The following CCDC146 variants were observed in gnomAD, a reference collection of about 807,000 sequenced individuals.
CCDC146 encodes coiled-coil domain-containing protein 146.
Under a neutral mutation model 119.3 loss-of-function variants are expected in CCDC146, and 92 were observed. The ratio of observed to expected loss-of-function variants is 0.77; its 90% CI spans 0.65 to 0.92. The LOEUF (loss-of-function observed/expected upper bound fraction) is 0.92. Ranked by LOEUF, CCDC146 falls within the 40% of genes least tolerant of loss-of-function variation. CCDC146 has a pLI of 0.00. For synonymous variants in CCDC146, 372 were observed against 371.8 expected (o/e 1.00, Z -0.01); for missense variants, 1,000 against 1,103.0 (o/e 0.91, Z 1.32).
At chr7:77,173,476 A>G (rs1791456085) in intron 2 of CCDC146, among the ~76,000 whole-genome samples, 1 of 151,904 alleles carries the variant, frequency 6.6e-6, no homozygotes, top group Non-Finnish European at 1.5e-5. Context: ...TAAAAATACA[A>G]AAATTAGCCA....
At chr7:77,275,089 T>C (rs1342477428) in intron 11 of CCDC146, among the ~76,000 whole-genome samples, 1 of 115,412 alleles carries the variant, frequency 8.7e-6, no homozygotes, top group African/African-American at 3.4e-5. Context: ...AGAAAAGCTA[T>C]ACAATTGACC....
intron 2 of CCDC146, among the ~76,000 whole-genome samples, chr7:77,188,634 T>C (rs1222955253): frequency 4.6e-5 from 7 of 152,154 alleles, no homozygotes; most frequent in African/African-American, 1.7e-4. Flanking sequence ...GATGCAGTAT[T>C]TGAGGCTTCA....
intron 18 of CCDC146, among the ~76,000 whole-genome samples, 200 bp from the exon 19 acceptor site, chr7:77,294,463 G>GGTAGGTGT (rs1554364032): frequency 7.4e-6 from 1 of 134,232 alleles, no homozygotes; most frequent in African/African-American, 2.8e-5. Context: ...ATGAGAGGTA[G>GGTAGGTGT]GTGTGTGTGT....
At chr7:77,130,649 A>AGTG (rs1412247213) in intron 1 of CCDC146, among the ~76,000 whole-genome samples, 2 of 132,682 alleles carry the variant, frequency 1.5e-5, no homozygotes, top group Non-Finnish European at 3.1e-5. Context: ...CCCAGGCTGG[A>AGTG]GTGCAGTGGC....
At chr7:77,127,541 G>A (rs1403546693) in intron 1 of CCDC146, among the ~76,000 whole-genome samples, 1 of 152,080 alleles carries the variant, frequency 6.6e-6, no homozygotes, top group Non-Finnish European at 1.5e-5. Context: ...TTTTCATGAA[G>A]GATATTGGTC....
chr7:77,237,718 C>T (rs1166578266), intron 3 of CCDC146, among the ~76,000 whole-genome samples: 2 of 152,182 alleles, frequency 1.3e-5, no homozygotes, highest in African/African-American at 4.8e-5. Context: ...TCCCAATCAC[C>T]AACAGGTCAG....
At chr7:77,178,727 G>A (rs1355694522) in intron 2 of CCDC146, among the ~76,000 whole-genome samples, 1 of 152,066 alleles carries the variant, frequency 6.6e-6, no homozygotes, top group African/African-American at 2.4e-5. Flanking sequence ...CTAAATAGTC[G>A]CTGAACGGAT....
At chr7:77,251,065 AGGCT>A (rs1362857390) in intron 4 of CCDC146, among the ~76,000 whole-genome samples, 1 of 150,238 alleles carries the variant, frequency 6.7e-6, no homozygotes, top group Non-Finnish European at 1.5e-5. Flanking sequence ...CACTCTGTCC[AGGCT>A]GGAGTACAGT....
At chr7:77,222,006 A>G (rs7810066) in intron 2 of CCDC146, among the ~76,000 whole-genome samples, 115,470 of 152,186 alleles carry the variant, frequency 0.76, 43,900 homozygotes, top group South Asian at 0.84. Flanking sequence ...CCAAAAAATG[A>G]AATTGAGGGG....
At chr7:77,208,234 G>T (rs1263829304) in intron 2 of CCDC146, among the ~76,000 whole-genome samples, 1 of 152,172 alleles carries the variant, frequency 6.6e-6, no homozygotes, top group African/African-American at 2.4e-5. Context: ...GACCACAAAG[G>T]TGGCACAGTA....
intron 4 of CCDC146, among the ~76,000 whole-genome samples, chr7:77,249,160 C>T (rs1428772607): frequency 3.3e-5 from 5 of 152,146 alleles, no homozygotes; most frequent in Admixed American, 3.3e-4. Context: ...AGTTTTGCCT[C>T]ATGTATTTTG....
chr7:77,272,315 G>A (rs1331374773), intron 9 of CCDC146, among the ~76,000 whole-genome samples: 1 of 152,170 alleles, frequency 6.6e-6, no homozygotes, highest in Non-Finnish European at 1.5e-5. Context: ...TCCAGGGTAG[G>A]AGACCCAATG....
At chr7:77,174,190 C>A (rs1584042140) in intron 2 of CCDC146, among the ~76,000 whole-genome samples, 1 of 152,178 alleles carries the variant, frequency 6.6e-6, no homozygotes, top group Non-Finnish European at 1.5e-5. Flanking sequence ...TTGTGTCTGG[C>A]TGCTTTTGCT....
At chr7:77,266,670 C>A (rs1319176232) in intron 9 of CCDC146, among the ~76,000 whole-genome samples, 1 of 151,952 alleles carries the variant, frequency 6.6e-6, no homozygotes, top group Non-Finnish European at 1.5e-5. Context: ...CTGATAAACC[C>A]CGGAAATGCC....
At chr7:77,270,086 A>G (rs957102764) in intron 9 of CCDC146, among the ~76,000 whole-genome samples, 3 of 152,244 alleles carry the variant, frequency 2.0e-5, no homozygotes, top group South Asian at 2.1e-4. Flanking sequence ...AACTCAAGGT[A>G]CAAGCCTCAT....
rs1584143142 is a variant in CCDC146, at chr7:77,280,332, G to C, written c.1695-97G>C. 7.9e-6 allele frequency: 7 copies of C among 888,508 alleles called. No individual in the cohort carries two copies. In the Admixed American group the frequency reaches 1.7e-4, roughly 22 times the overall value. 55.0% of individuals were successfully genotyped at this position (888,508 alleles called of 1,614,324 possible). ...ATTTCAAGGGCTACACTAAAGCAAG[G>C]TCTGCTTTGATAGTGCTTGTGTTTC... On this transcript the variant is annotated intron_variant, in intron 13 of 18. Transcript: ENST00000285871.
chr7:77,292,855 A>T, intron 17 of CCDC146, 97 bp from the exon 18 acceptor site: 1 of 1,338,052 alleles, frequency 7.5e-7, no homozygotes, highest in Admixed American at 2.3e-5. Flanking sequence ...TCCTTCAGAC[A>T]AAAATGCACC....
chr7:77,147,627 C>T (rs555887062), intron 1 of CCDC146, among the ~76,000 whole-genome samples: 140 of 152,322 alleles, frequency 9.2e-4, no homozygotes, highest in Middle Eastern at 3.4e-3. Flanking sequence ...TTCCTTCTAA[C>T]AGTCAGGACC....
chr7:77,199,864 A>C (rs1791954192), intron 2 of CCDC146: 3 of 1,523,226 alleles, frequency 2.0e-6, no homozygotes, highest in African/African-American at 2.8e-5. Flanking sequence ...CAGCTGCCTG[A>C]GTCAGGCTTT....
Sources: allele counts gnomAD v4.1 joint callset (sites outside exome capture counted in the v4.1 genomes callset), GRCh38; gene constraint gnomAD v4.1.1; transcripts MANE v1.5; gene names NCBI Gene and HGNC (gene_info 2026-07-23, HGNC 2026-07-21).